CAMSAP2: variants seen among roughly 807,000 people sequenced by gnomAD.
CAMSAP2 encodes the protein calmodulin regulated spectrin associated protein family member 2, also known as calmodulin-regulated spectrin-associated protein 2.
CAMSAP2 carries 26 observed loss-of-function variants against 146.1 expected under a neutral mutation model. The observed-to-expected ratio is 0.18, with a 90% CI of 0.13 to 0.25. The LOEUF (loss-of-function observed/expected upper bound fraction) is 0.25. Among genes scored for constraint, CAMSAP2 ranks in the 10% least tolerant of loss-of-function variants. CAMSAP2 has a pLI of 1.00. For missense variants in CAMSAP2, 1,381 were observed against 1,759.3 expected, an observed-to-expected ratio of 0.78 and a Z score of 3.85; for synonymous variants, 499 against 596.6, an observed-to-expected ratio of 0.84 and a Z score of 2.38.
At chr1:200,827,445 C>T (rs562689396) in intron 4 of CAMSAP2, among the ~76,000 whole-genome samples, 16 of 152,284 alleles carry the variant, frequency 1.1e-4, no homozygotes, top group African/African-American at 3.9e-4. Context: ...CAGTGGCTTC[C>T]TGCTCTTTGG....
intron 4 of CAMSAP2, among the ~76,000 whole-genome samples, chr1:200,819,214 T>G (rs906709051): frequency 2.6e-5 from 4 of 152,212 alleles, no homozygotes; most frequent in Non-Finnish European, 5.9e-5. Context: ...AGAAAGGCAT[T>G]TTAAATAGTG....
chr1:200,829,363 G>A (rs1332987471), intron 4 of CAMSAP2, among the ~76,000 whole-genome samples: 1 of 151,910 alleles, frequency 6.6e-6, no homozygotes, highest in Non-Finnish European at 1.5e-5. Flanking sequence ...AGACCATCTT[G>A]GACAACATAT....
chr1:200,807,455 G>C lies in CAMSAP2; in HGVS notation c.479G>C (p.Cys160Ser). ...EMVSIEKVIA[C>S]AQQYSAFFQA... is the part of the protein sequence containing the mutation. ...GTCAGTATAGAAAAAGTAATTGCGT[G>C]TGCTCAGCAGTATTCAGCTTTTTTT... The change falls in exon 3 of 17, where the codon TGT becomes TCT. Residue 160 changes from cysteine to serine, a missense_variant. By Grantham distance (112) the Cys-to-Ser change is moderately radical (BLOSUM62 -1). Coordinates refer to ENST00000358823, the MANE Select transcript of CAMSAP2 (RefSeq NM_203459.4). The C allele has an allele frequency of 6.3e-7, 1 of 1,595,676 alleles. No homozygotes were observed.
In CAMSAP2 at chr1:200,837,139, G is replaced by A. The variant is rs143062105; in HGVS notation, c.927+4294G>A. Among the ~76,000 whole-genome samples the A allele has an allele frequency of 8.7e-3, 1,320 of 152,142 alleles. 15 individuals carry two copies. Among genetic ancestry groups the A allele is most frequent in the African/African-American group, 0.024 (1,005 of 41,516 alleles). On this transcript the variant is annotated intron_variant, in intron 6 of 16. Transcript: ENST00000358823. The stretch of plus-strand genomic sequence containing the variant: ...TTTTGCTTTTGTTGCAACTTCTTTT[G>A]GCACCTTTGTCATGAAATCTTTGCC...
At chr1:200,821,606 C>T (rs1666768088) in intron 4 of CAMSAP2, among the ~76,000 whole-genome samples, 2 of 152,202 alleles carry the variant, frequency 1.3e-5, no homozygotes, top group Non-Finnish European at 2.9e-5. Flanking sequence ...AGCGATCCAC[C>T]CGCCTCGGCC....
At position 200,832,892 on chromosome 1, in the gene CAMSAP2, T is replaced by G; in HGVS notation, c.927+47T>G. 1 of 1,509,578 alleles carries G rather than the reference T, an allele frequency of 6.6e-7. No homozygotes were observed. 93.5% of individuals were successfully genotyped at this position (1,509,578 alleles called of 1,614,324 possible). On this transcript the variant is annotated intron_variant, in intron 6 of 16. Coordinates refer to ENST00000358823, the MANE Select transcript of CAMSAP2 (RefSeq NM_203459.4). The surrounding 1 kb of genome is among the most constrained non-coding windows in gnomAD (Gnocchi z 4.2). ...TTCCCTTTGCTTTGTTAAAATATGT[T>G]TTTTTAAAAAACAAACAAAAACACC... is the stretch of plus-strand genomic sequence containing the variant.
rs987762136 is a variant in CAMSAP2 at position 200,859,852 on chromosome 1, A to T, written c.*1793A>T. 5 of 152,244 alleles carry T rather than the reference A, an allele frequency of 3.3e-5. No homozygotes were observed. Among genetic ancestry groups the T allele is most frequent in the Non-Finnish European group, 7.4e-5 (5 of 67,956 alleles). The allele number at this position is 152,244 out of a possible 1,614,324, so 9.4% of individuals were successfully genotyped here. A position where few individuals can be genotyped will look rare whatever the true frequency, so the allele number is the denominator to read the frequency against. The stretch of plus-strand genomic sequence containing the variant: ...TAGATTAAAACTAGTTTAAAAAATT[A>T]TAAATGAATCTAATCAAAATGTGAA... On this transcript the variant is annotated 3_prime_UTR_variant, in exon 17 of 17. Coordinates refer to ENST00000358823, the MANE Select transcript of CAMSAP2 (RefSeq NM_203459.4).
intron 4 of CAMSAP2, among the ~76,000 whole-genome samples, chr1:200,826,799 A>T (rs1463317478): frequency 1.3e-5 from 2 of 152,186 alleles, no homozygotes; most frequent in Non-Finnish European, 2.9e-5. Context: ...GTCGGTAGAA[A>T]CTTAATAAAA....
At chr1:200,838,525 A>G (rs944613272) in intron 6 of CAMSAP2, among the ~76,000 whole-genome samples, 37 of 152,174 alleles carry the variant, frequency 2.4e-4, no homozygotes, top group African/African-American at 7.5e-4. Flanking sequence ...TTTATTGAGC[A>G]CCTATCATGT....
chr1:200,816,839 TGTGTGTACAC>T (rs1666537510), intron 4 of CAMSAP2, among the ~76,000 whole-genome samples: 1 of 90,966 alleles, frequency 1.1e-5, no homozygotes, highest in African/African-American at 4.2e-5. Flanking sequence ...CGCGTGTGTA[TGTGTGTACAC>T]ACACACGCGT....
intron 4 of CAMSAP2, 112 bp downstream of exon 4, chr1:200,815,756 T>G: frequency 4.1e-6 from 2 of 482,932 alleles, no homozygotes; most frequent in Non-Finnish European, 3.5e-6. Context: ...TTTAGTGGTG[T>G]TAACTGTACC....
At chr1:200,763,553 C>A (rs116183525) in intron 2 of CAMSAP2, among the ~76,000 whole-genome samples, 424 of 152,150 alleles carry the variant, frequency 2.8e-3, no homozygotes, top group African/African-American at 9.4e-3. Flanking sequence ...AAAAACCAAC[C>A]AACCAAAGAA....
intron 2 of CAMSAP2, among the ~76,000 whole-genome samples, chr1:200,794,728 G>A (rs1218140819): frequency 6.6e-6 from 1 of 152,168 alleles, no homozygotes; most frequent in Non-Finnish European, 1.5e-5. Flanking sequence ...TGAGATCCAT[G>A]TCTATCTGGA....
rs1316338918 is a variant in CAMSAP2, at chr1:200,816,594, CA to C, written c.645+962del. 2.5e-3 allele frequency among the ~76,000 whole-genome samples: 235 copies of C among 92,816 alleles called. 2 individuals are homozygous for C. The highest frequency in any genetic ancestry group is 8.0e-3 in the African/African-American group (212 of 26,580). 60.9% of individuals were successfully genotyped at this position (92,816 alleles called of 152,430 possible). A position where few individuals can be genotyped will look rare whatever the true frequency, so the allele number is the denominator to read the frequency against. The stretch of plus-strand genomic sequence containing the variant: ...GGGCAATAAGAGCAAAACTTCATCT[CA>C]AAAAAAAAAAATATATATATATATA... On this transcript the variant is annotated intron_variant, in intron 4 of 16. Coordinates refer to ENST00000358823, the MANE Select transcript of CAMSAP2 (RefSeq NM_203459.4).
intron 3 of CAMSAP2, among the ~76,000 whole-genome samples, chr1:200,812,974 C>G (rs1666373156): frequency 6.6e-6 from 1 of 152,196 alleles, no homozygotes; most frequent in Non-Finnish European, 1.5e-5. Flanking sequence ...CCATAGCCAG[C>G]TTGTTCTCTT....
intron 2 of CAMSAP2, among the ~76,000 whole-genome samples, chr1:200,798,148 A>G (rs1475949087): frequency 2.7e-5 from 4 of 150,150 alleles, no homozygotes; most frequent in African/African-American, 4.9e-5. Flanking sequence ...TTGACTTGGC[A>G]ATGCGGGCTC....
At chr1:200,745,103 A>G (rs926153379) in intron 1 of CAMSAP2, among the ~76,000 whole-genome samples, 1 of 152,186 alleles carries the variant, frequency 6.6e-6, no homozygotes, top group African/African-American at 2.4e-5. Context: ...AGTAGATATT[A>G]TTTTATTCTA....
At chr1:200,795,073 G>T (rs933463812) in intron 2 of CAMSAP2, among the ~76,000 whole-genome samples, 1 of 152,148 alleles carries the variant, frequency 6.6e-6, no homozygotes, top group Non-Finnish European at 1.5e-5. Flanking sequence ...TTAAACCTAG[G>T]TACTCTGCTT....
chr1:200,742,845 TA>T lies in CAMSAP2; in HGVS notation c.139+2889del, dbSNP rs57616707. On this transcript the variant is annotated intron_variant, in intron 1 of 16. Coordinates refer to ENST00000358823, the MANE Select transcript of CAMSAP2 (RefSeq NM_203459.4). ...GAGCATAGAATGAAGTAATTGAACT[TA>T]AAAAAAAAACACTGATGTTGTAATA... is the stretch of plus-strand genomic sequence containing the variant. Among the ~76,000 whole-genome samples, 7 of 149,670 alleles carry T rather than the reference TA, an allele frequency of 4.7e-5. No individual in the cohort carries two copies. In the East Asian group the frequency reaches 5.8e-4, roughly 12 times the overall value.
Sources: allele counts gnomAD v4.1 joint callset (sites outside exome capture counted in the v4.1 genomes callset), GRCh38; gene constraint gnomAD v4.1.1; non-coding constraint Gnocchi (gnomAD v3.1); transcripts MANE v1.5; gene names NCBI Gene and HGNC (gene_info 2026-07-23, HGNC 2026-07-21).